Variants in AMBN observed in about 807,000 individuals in gnomAD.
AMBN encodes the protein ameloblastin, also known as enamel matrix protein.
In AMBN, 54 loss-of-function variants were observed where a neutral mutation model predicts 48.0. The ratio of observed to expected loss-of-function variants is 1.12; its 90% CI spans 0.90 to 1.41. The LOEUF (loss-of-function observed/expected upper bound fraction) is 1.41. AMBN is among the 40% of genes most tolerant of loss of function. The pLI, the probability that AMBN is intolerant of heterozygous loss-of-function variation, is 0.00. For synonymous variants in AMBN, 186 were observed against 190.0 expected (o/e 0.98, Z 0.17); for missense variants, 571 against 547.3 (o/e 1.04, Z -0.43).
intron 8 of AMBN, 60 bp from the exon 9 acceptor site, chr4:70,602,912 T>C (rs1250139824): frequency 1.3e-6 from 2 of 1,533,116 alleles, no homozygotes; most frequent in Non-Finnish European, 1.8e-6. Context: ...ATCTTTTATT[T>C]GCATTTATCT....
chr4:70,598,402 A>C lies in AMBN; in HGVS notation c.182A>C (p.Gln61Pro). Residue 61 changes from glutamine to proline, a missense_variant and splice_region_variant, in exon 4 of 13, where the codon CAG becomes CCG. Physicochemically the swap from Gln to Pro is moderately conservative, Grantham distance 76. Coordinates refer to ENST00000322937, the MANE Select transcript of AMBN (RefSeq NM_016519.6). The part of the protein sequence containing the change: ...GSLQRLNTLS[Q>P]YSRYGFGKSF... ...CTGCAGAGATTAAACACACTTTCTC[A>C]GGTAATCATATTTCTTATTGCAAGT... 2 of 1,586,478 alleles carry C rather than the reference A, an allele frequency of 1.3e-6. No individual in the cohort carries two copies. Among genetic ancestry groups the C allele is most frequent in the South Asian group, 2.3e-5 (2 of 85,852 alleles).
intron 2 of AMBN, among the ~76,000 whole-genome samples, chr4:70,594,140 C>T (rs1737340124): frequency 2.0e-5 from 3 of 152,276 alleles, no homozygotes; most frequent in African/African-American, 2.4e-5. Context: ...CTAGATAATT[C>T]CATTTAAAGC....
At position 70,606,535 on chromosome 4, in the gene AMBN, T is replaced by A. The variant is rs1737657350; in HGVS notation, c.1149T>A (p.Ala383=). The part of the protein sequence containing the change: ...KGLPSVTPAA[A]DPLMTPELAD... ...TCCCCAGCGTCACCCCAGCAGCTGC[T>A]GACCCACTGATGACCCCTGAATTAG... is the stretch of plus-strand genomic sequence containing the variant. Residue 383 remains alanine, a synonymous_variant, in exon 13 of 13, where the codon GCT becomes GCA. Transcript: ENST00000322937. The A allele has an allele frequency of 1.2e-6, 2 of 1,614,148 alleles. No individual in the cohort carries two copies. The highest frequency in any genetic ancestry group is 1.7e-6 in the Non-Finnish European group (2 of 1,179,994).
chr4:70,593,003 A>G (rs546394829), intron 1 of AMBN, among the ~76,000 whole-genome samples: 1 of 152,322 alleles, frequency 6.6e-6, no homozygotes, highest in East Asian at 1.9e-4. Context: ...CTTAGTGGGA[A>G]GGATTTTTAA....
In AMBN at chr4:70,606,601, C is replaced by T. The variant is rs762671034; in HGVS notation, c.1215C>T (p.Ser405=). 42 of 1,614,078 alleles carry T rather than the reference C, an allele frequency of 2.6e-5. No homozygotes were observed. Among genetic ancestry groups the T allele is most frequent in the Middle Eastern group, 1.6e-4 (1 of 6,062 alleles). Residue 405 remains serine, a synonymous_variant, in exon 13 of 13, where the codon TCC becomes TCT. Coordinates refer to ENST00000322937, the MANE Select transcript of AMBN (RefSeq NM_016519.6). ...YRTYDADMTT[S]VDFQEEATMD... is the part of the protein sequence containing the mutation. Reference sequence around the variant, plus strand: ...CCTACGATGCTGACATGACCACATCCGTGGATTTCCAGGAAGAAGCAACCA... The same window carrying T: ...CCTACGATGCTGACATGACCACATCTGTGGATTTCCAGGAAGAAGCAACCA...
chr4:70,596,910 G>C, intron 2 of AMBN, 89 bp from the exon 3 acceptor site: 2 of 1,122,412 alleles, frequency 1.8e-6, no homozygotes, highest in South Asian at 1.5e-5. Context: ...CAGGTAGCCC[G>C]TATGTACTGG....
At chr4:70,599,483 T>C (rs1577955224) in intron 4 of AMBN, 53 bp from the exon 5 acceptor site, 1 of 1,278,406 alleles carries the variant, frequency 7.8e-7, no homozygotes, top group Admixed American at 2.1e-5. Flanking sequence ...ATATAACCAA[T>C]GTTATATTTA....
At position 70,593,502 on chromosome 4, in the gene AMBN, T is replaced by G. The variant is rs1482283767; in HGVS notation, c.84+107T>G. 3.2e-6 allele frequency: 3 copies of G among 949,168 alleles called. No homozygotes were observed. The East Asian group carries it at 7.6e-5, about 24-fold the overall frequency. 58.8% of individuals were successfully genotyped at this position (949,168 alleles called of 1,614,324 possible). A position where few individuals can be genotyped will look rare whatever the true frequency, so the allele number is the denominator to read the frequency against. ...AGTCCACGCATAGACTCACTTGATT[T>G]AATCCAGTGGTTTAGTCCTATTGAG... On this transcript the variant is annotated intron_variant, in intron 2 of 12. Transcript: ENST00000322937.
chr4:70,601,485 C>A lies in AMBN; in HGVS notation c.362C>A (p.Pro121Gln). The A allele has an allele frequency of 1.9e-6, 3 of 1,614,190 alleles. No individual in the cohort carries two copies. The highest frequency in any genetic ancestry group is 2.5e-6 in the Non-Finnish European group (3 of 1,180,018). ...CAGCCATCCTTGAAGCCTCAACAGC[C>A]AGGACTGAAACCTTTTCTCCAGTCT... ...PSQPSLKPQQ[P>Q]GLKPFLQSAA... The change falls in exon 6 of 13, where the codon CCA (proline) becomes CAA (glutamine). Residue 121 changes from proline (P) to glutamine (Q), a missense_variant. Transcript: ENST00000322937.
intron 5 of AMBN, among the ~76,000 whole-genome samples, chr4:70,600,771 G>A (rs1040642826): frequency 1.3e-5 from 2 of 152,152 alleles, no homozygotes; most frequent in African/African-American, 4.8e-5. Context: ...ATTTAACAGG[G>A]AATTTTAGTT....
intron 9 of AMBN, 82 bp downstream of exon 9, chr4:70,603,092 C>T: frequency 1.4e-6 from 2 of 1,468,844 alleles, no homozygotes; most frequent in Non-Finnish European, 1.9e-6. Flanking sequence ...TTTTCATTGT[C>T]CCATTTATCC....
chr4:70,597,195 A>G (rs368641147), intron 3 of AMBN, 146 bp downstream of exon 3: 15 of 610,078 alleles, frequency 2.5e-5, no homozygotes, highest in Non-Finnish European at 4.2e-5. Flanking sequence ...TATGACATTT[A>G]CTAGAGCTTT....
chr4:70,604,271 C>G (rs6605353), intron 12 of AMBN, among the ~76,000 whole-genome samples: 65,501 of 151,996 alleles, frequency 0.43, 14,317 homozygotes, highest in East Asian at 0.64. Flanking sequence ...TTTCTGGGAC[C>G]ATTTAACCCC....
chr4:70,601,183 T>C (rs975830340), intron 5 of AMBN, among the ~76,000 whole-genome samples: 3 of 152,164 alleles, frequency 2.0e-5, no homozygotes, highest in Non-Finnish European at 4.4e-5. Context: ...GAGGTTCATG[T>C]AGCTTCACCT....
At chr4:70,601,281 G>C in intron 5 of AMBN, 137 bp from the exon 6 acceptor site, 1 of 871,704 alleles carries the variant, frequency 1.1e-6, no homozygotes, top group Non-Finnish European at 1.8e-6. Context: ...TGCTTGCTAT[G>C]TAAACTCAAC....
At position 70,606,740 on chromosome 4, in the gene AMBN, G is replaced by T. The variant is rs1233213223; in HGVS notation, c.*10G>T. ...TTTCCAAGAGCCCTGACAGCTCTAA[G>T]ATATTAGCTACTTTCTGTATGCACA... On this transcript the variant is annotated 3_prime_UTR_variant, in exon 13 of 13. Coordinates refer to ENST00000322937, the MANE Select transcript of AMBN (RefSeq NM_016519.6). 5 of 1,597,390 alleles carry T rather than the reference G, an allele frequency of 3.1e-6. No homozygotes were observed. In the South Asian group the frequency reaches 5.7e-5, roughly 18 times the overall value.
At chr4:70,603,772 A>G in intron 11 of AMBN, 105 bp from the exon 12 acceptor site, 1 of 1,210,230 alleles carries the variant, frequency 8.3e-7, no homozygotes, top group South Asian at 1.3e-5. Flanking sequence ...TGTACACAGC[A>G]TTAATATTAA....
At chr4:70,603,799 A>G (rs939027999) in intron 11 of AMBN, 78 bp from the exon 12 acceptor site, 19 of 1,495,602 alleles carry the variant, frequency 1.3e-5, no homozygotes, top group Non-Finnish European at 1.8e-5. Flanking sequence ...AGTGAAAACT[A>G]AATAACTTTT....
chr4:70,595,500 T>C (rs942152271), intron 2 of AMBN, among the ~76,000 whole-genome samples: 3 of 152,040 alleles, frequency 2.0e-5, no homozygotes, highest in African/African-American at 7.2e-5. Context: ...TCTATTCTTG[T>C]CCAAAACTGA....
Sources: gnomAD v4.1 joint callset for allele counts (sites outside exome capture counted in the v4.1 genomes callset) on GRCh38, gnomAD v4.1.1 for gene constraint, MANE v1.5 for transcripts, NCBI Gene and HGNC (gene_info 2026-07-23, HGNC 2026-07-21) for gene names.